The following ZNF737 variants were observed in gnomAD, a reference collection of about 807,000 sequenced individuals.
The protein encoded by ZNF737 is zinc finger protein 102 (Y3).
Under a neutral mutation model 11.7 loss-of-function variants are expected in ZNF737, and 13 were observed. The ratio of observed to expected loss-of-function variants is 1.11; its 90% CI spans 0.73 to 1.77. The LOEUF is 1.77. Among genes scored for constraint, ZNF737 ranks in the 40% most tolerant of loss-of-function variants. ZNF737 has a pLI of 0.00. For synonymous variants in ZNF737, 217 were observed against 216.2 expected (o/e 1.00, Z -0.03); for missense variants, 636 against 638.0 (o/e 1.00, Z 0.03).
At chr19:20,556,171 AC>A (rs1555761117) in intron 1 of ZNF737, among the ~76,000 whole-genome samples, 1 of 152,158 alleles carries the variant, frequency 6.6e-6, no homozygotes, top group Admixed American at 6.5e-5. Flanking sequence ...CCCAAACAGA[AC>A]AGACCCTGTG....
Position 20,554,890 on chromosome 19 carries a change from C to T in ZNF737, c.4-1055G>A, listed in dbSNP as rs569160860. 5.6e-5 allele frequency among the ~76,000 whole-genome samples: 8 copies of T among 143,818 alleles called. No homozygotes were observed. The East Asian group carries it at 1.0e-3, about 18-fold the overall frequency. 94.4% of individuals were successfully genotyped at this position (143,818 alleles called of 152,430 possible). ...TTTTTTTTTTTTTTTGAGGCAAAGT[C>T]TCACTCTTGTCCCCCAGGCTGGAGT... On this transcript the variant is annotated intron_variant, in intron 1 of 3. Transcript: ENST00000427401.
rs1482386897 is a variant in ZNF737, at chr19:20,560,401, C to T, written c.3+5237G>A. Among the ~76,000 whole-genome samples the T allele has an allele frequency of 3.4e-5, 5 of 146,058 alleles. No homozygotes were observed. The South Asian group carries it at 6.6e-4, about 19-fold the overall frequency. On this transcript the variant is annotated intron_variant, in intron 1 of 3. Transcript: ENST00000427401. ...TCAAAATAAAATATGGTATATAAAC[C>T]TCATGGAATACTCTGTGGCCATTAA...
At chr19:20,537,266 T>A (rs369933905), downstream of ZNF737, among the ~76,000 whole-genome samples, 12 of 150,906 alleles carry the variant, frequency 8.0e-5, no homozygotes, top group East Asian at 2.2e-3. Flanking sequence ...AATGGCACAA[T>A]CTCATCTCAC....
chr19:20,565,432 G>C (rs1448505184), intron 1 of ZNF737, among the ~76,000 whole-genome samples: 1 of 152,080 alleles, frequency 6.6e-6, no homozygotes, highest in African/African-American at 2.4e-5. Flanking sequence ...CACTACGCAG[G>C]GAAGACACAG....
At chr19:20,530,486 G>T in the ZNF737 span, among the ~76,000 whole-genome samples, 1 of 148,788 alleles carries the variant, frequency 6.7e-6, no homozygotes, top group Non-Finnish European at 1.5e-5. Context: ...TGGCAGCCGG[G>T]TGGAGGGGCT....
At position 20,538,746 on chromosome 19, in the gene ZNF737, C is replaced by T; in HGVS notation, c.*5846G>A. The T allele has an allele frequency of 1.0e-6, 1 of 985,358 alleles. No individual in the cohort carries two copies. The highest frequency in any genetic ancestry group is 1.2e-6 in the Non-Finnish European group (1 of 829,912). The allele number at this position is 985,358 out of a possible 1,614,324, so 61.0% of individuals were successfully genotyped here. A position where few individuals can be genotyped will look rare whatever the true frequency, so the allele number is the denominator to read the frequency against. On this transcript the variant is annotated 3_prime_UTR_variant, in exon 4 of 4. Coordinates refer to ENST00000427401, the MANE Select transcript of ZNF737 (RefSeq NM_001159293.2). ...CACCACACTGCACATCAATGCTTTC[C>T]ACATGCACCCAATAGAGTCTTAATT...
Position 20,543,582 on chromosome 19 carries a change from G to A in ZNF737, c.*1010C>T. ...TACTAGCTTTTCTGTGAGATAAGGT[G>A]TAAGAACTGATTAAAAGTTTTGCCA... On this transcript the variant is annotated 3_prime_UTR_variant, in exon 4 of 4. Coordinates refer to ENST00000427401, the MANE Select transcript of ZNF737 (RefSeq NM_001159293.2). 1.0e-6 allele frequency: 1 copy of A among 985,388 alleles called. No homozygotes were observed. The allele number at this position is 985,388 out of a possible 1,614,324, so 61.0% of individuals were successfully genotyped here. A position where few individuals can be genotyped will look rare whatever the true frequency, so the allele number is the denominator to read the frequency against.
chr19:20,553,505 C>G (rs1187292455), intron 2 of ZNF737, among the ~76,000 whole-genome samples: 1 of 152,074 alleles, frequency 6.6e-6, no homozygotes, highest in African/African-American at 2.4e-5. Flanking sequence ...GGTAATACCC[C>G]CACCTCAGCC....
Position 20,545,885 on chromosome 19 carries a change from A to G in ZNF737, c.318T>C (p.Tyr106=), listed in dbSNP as rs895889951. ...TTTTAAACTGTAAATTGTCATGTCC[A>G]TAGTTTTCATATCTTCTCAGTGTCA... ...QKVTLRRYEN[Y]GHDNLQFKKG... Residue 106 remains tyrosine (Y), a synonymous_variant, in exon 4 of 4, where the codon TAT becomes TAC. Transcript: ENST00000427401. The G allele has an allele frequency of 6.2e-7, 1 of 1,611,854 alleles. No homozygotes were observed. Among genetic ancestry groups the G allele is most frequent in the Non-Finnish European group, 8.5e-7 (1 of 1,179,338 alleles).
chr19:20,530,332 C>T, the ZNF737 span, among the ~76,000 whole-genome samples: 866 of 141,994 alleles, frequency 6.1e-3, 25 homozygotes, highest in Non-Finnish European at 0.01. Flanking sequence ...ACCTCCCTCC[C>T]GGACGGGGCA....
Position 20,541,029 on chromosome 19 carries a change from CAAGA to C in ZNF737, c.*3559_*3562del. The stretch of plus-strand genomic sequence containing the variant: ...TTAAGAGGGCTTTTATTATTGTACT[CAAGA>C]GAGTTGTTTCTGGAGACAAAGTTGC... On this transcript the variant is annotated 3_prime_UTR_variant, in exon 4 of 4. Transcript: ENST00000427401. 1 of 984,946 alleles carries C rather than the reference CAAGA, an allele frequency of 1.0e-6. No individual in the cohort carries two copies. The highest frequency in any genetic ancestry group is 1.2e-6 in the Non-Finnish European group (1 of 829,862). The allele number at this position is 984,946 out of a possible 1,614,324, so 61.0% of individuals were successfully genotyped here. A position where few individuals can be genotyped will look rare whatever the true frequency, so the allele number is the denominator to read the frequency against.
chr19:20,530,900 G>A (rs1200147725), downstream of ZNF737, among the ~76,000 whole-genome samples: 8 of 147,730 alleles, frequency 5.4e-5, 1 homozygote, highest in Non-Finnish European at 1.2e-4. Context: ...AGGTTGTAGC[G>A]AGCCGAGATC....
At chr19:20,554,296 T>C (rs1222693693) in intron 1 of ZNF737, among the ~76,000 whole-genome samples, 1 of 152,194 alleles carries the variant, frequency 6.6e-6, no homozygotes, top group African/African-American at 2.4e-5. Context: ...TCACCAATGA[T>C]GTCAATGTTT....
chr19:20,533,890 T>G (rs1289577875), downstream of ZNF737, among the ~76,000 whole-genome samples: 1 of 150,224 alleles, frequency 6.7e-6, no homozygotes, highest in Non-Finnish European at 1.5e-5. Flanking sequence ...GCTGAGCTAA[T>G]TCACTGATTG....
At chr19:20,553,672 G>C (rs782820893) in intron 2 of ZNF737, 37 bp downstream of exon 2, 39 of 1,590,448 alleles carry the variant, frequency 2.5e-5, no homozygotes, top group Non-Finnish European at 3.2e-5. Flanking sequence ...AAAGTCTTTT[G>C]TGTATATTAT....
intron 1 of ZNF737, among the ~76,000 whole-genome samples, chr19:20,556,899 A>G (rs1385262714): frequency 2.0e-5 from 3 of 152,220 alleles, no homozygotes; most frequent in African/African-American, 7.2e-5. Context: ...TAATTCTCAT[A>G]ACACCCGGGG....
downstream of ZNF737, among the ~76,000 whole-genome samples, chr19:20,531,784 A>G (rs1171976625): frequency 1.3e-5 from 2 of 150,038 alleles, no homozygotes; most frequent in Admixed American, 6.6e-5. Flanking sequence ...CTCACTATTC[A>G]TAGCATTTCA....
In ZNF737 at chr19:20,552,527, T is replaced by C. The variant is rs781929745; in HGVS notation, c.174A>G (p.Gln58=). 4.4e-6 allele frequency: 7 copies of C among 1,595,094 alleles called. No homozygotes were observed. The highest frequency in any genetic ancestry group is 1.1e-5 in the South Asian group (1 of 87,300). The change falls in exon 3 of 4, where the codon CAA becomes CAG. Residue 58 remains glutamine, a synonymous_variant. Transcript: ENST00000427401. ...SKPDLITCLE[Q]GKKPLTMKKH... is the part of the protein sequence containing the mutation. ...TCTTCATGGTCAAAGGTTTTTTTCC[T>C]TGCTCCAGACAGGTGATGAGGTCTG...
In ZNF737 at chr19:20,545,374, T is replaced by C; in HGVS notation, c.829A>G (p.Ile277Val). The change falls in exon 4 of 4, where the codon ATA becomes GTA. Residue 277 changes from isoleucine (I) to valine (V), a missense_variant. Physicochemically the swap from Ile to Val is conservative, Grantham distance 29. Coordinates refer to ENST00000427401, the MANE Select transcript of ZNF737 (RefSeq NM_001159293.2). ...KRSSNLTTHK[I>V]IHTGEKPYKC... is the part of the protein sequence containing the mutation. ...TAGGGTTTCTCTCCAGTATGAATTA[T>C]CTTATGTGTAGTAAGGTTAGAGGAG... 6.2e-7 allele frequency: 1 copy of C among 1,613,888 alleles called. No homozygotes were observed. Among genetic ancestry groups the C allele is most frequent in the South Asian group, 1.1e-5 (1 of 91,032 alleles).
Sources: gnomAD v4.1 joint callset for allele counts (sites outside exome capture counted in the v4.1 genomes callset) on GRCh38, gnomAD v4.1.1 for gene constraint, MANE v1.5 for transcripts, NCBI Gene and HGNC (gene_info 2026-07-23, HGNC 2026-07-21) for gene names.